PLCE1: variants seen among roughly 807,000 people sequenced by gnomAD.
PLCE1 encodes the protein 1-phosphatidylinositol 4,5-bisphosphate phosphodiesterase epsilon-1.
In PLCE1, 119 loss-of-function variants were observed where a neutral mutation model predicts 242.8. That is an observed-to-expected ratio of 0.49 (90% CI 0.42 to 0.57). The LOEUF (loss-of-function observed/expected upper bound fraction) is 0.57. PLCE1 is among the 20% of genes least tolerant of loss of function. PLCE1 has a pLI of 0.00. For missense variants in PLCE1, 2,441 were observed against 2,788.8 expected (o/e 0.88, Z 2.81); for synonymous variants, 945 against 1,017.4 (o/e 0.93, Z 1.35).
At position 94,306,803 on chromosome 10, in the gene PLCE1, T is replaced by A; in HGVS notation, c.5884+115T>A. 1.2e-6 allele frequency: 1 copy of A among 868,038 alleles called. No individual in the cohort carries two copies. The highest frequency in any genetic ancestry group is 1.8e-6 in the Non-Finnish European group (1 of 544,652). 53.8% of individuals were successfully genotyped at this position (868,038 alleles called of 1,614,324 possible). ...ACATTTTCCTATAAAGAAGTTGAAT[T>A]AAGAAGCAAAAGGAAATACAAATTG... On this transcript the variant is annotated intron_variant, in intron 26 of 32. Coordinates refer to ENST00000371380, the MANE Select transcript of PLCE1 (RefSeq NM_016341.4). This position sits in a 1 kb window ranked among gnomAD's most constrained non-coding sequence, Gnocchi z 5.7.
At chr10:94,324,669 G>C in intron 31 of PLCE1, 102 bp downstream of exon 31, 1 of 1,086,144 alleles carries the variant, frequency 9.2e-7, no homozygotes, top group Non-Finnish European at 1.4e-6. Context: ...GAAAGTTCCT[G>C]AGTCAAGGAA....
chr10:94,324,000 C>G (rs2053919538), intron 30 of PLCE1, among the ~76,000 whole-genome samples: 1 of 152,188 alleles, frequency 6.6e-6, no homozygotes, highest in Admixed American at 6.5e-5. Flanking sequence ...ACTTTCATGT[C>G]TGTGAGCGCT....
intron 4 of PLCE1, among the ~76,000 whole-genome samples, chr10:94,174,351 G>A (rs983909810): frequency 1.3e-5 from 2 of 152,130 alleles, no homozygotes; most frequent in Non-Finnish European, 2.9e-5. Flanking sequence ...GAAAGAATGA[G>A]AAAAATAGAA....
At position 94,132,379 on chromosome 10, in the gene PLCE1, T is replaced by A. The variant is rs748431259; in HGVS notation, c.1412T>A (p.Leu471Gln). Residue 471 changes from leucine (L) to glutamine (Q), a missense_variant, in exon 3 of 33, where the codon CTA becomes CAA. Leu to Gln is a moderately radical substitution (Grantham distance 113). Around this residue, in one of 5 missense-constraint regions of PLCE1, gnomAD observed 733 missense variants for 754.2 expected, o/e 0.97. Coordinates refer to ENST00000371380, the MANE Select transcript of PLCE1 (RefSeq NM_016341.4). ...TCGCAGTACATCACCGGTTCTCTCCTAGAAGCAACCACGTCTTTGGGAGCA... is the reference window on the plus strand; with the variant it reads ...TCGCAGTACATCACCGGTTCTCTCCAAGAAGCAACCACGTCTTTGGGAGCA... ...SISQYITGSL[L>Q]EATTSLGARS... 5.0e-6 allele frequency: 8 copies of A among 1,614,144 alleles called. No individual in the cohort carries two copies. In the South Asian group the frequency reaches 8.8e-5, roughly 18 times the overall value.
intron 2 of PLCE1, chr10:94,109,183 C>T (rs2135595095): frequency 6.6e-6 from 1 of 152,320 alleles, no homozygotes; most frequent in South Asian, 2.1e-4. Context: ...AAGAGTTTAA[C>T]TTCTGCTTTG....
chr10:94,265,915 G>C lies in PLCE1; in HGVS notation c.4238G>C (p.Gly1413Ala), dbSNP rs1013956708. Reference protein sequence around the residue: ...IESSHNTYLTGHQLKGESSVE... With the variant: ...IESSHNTYLTAHQLKGESSVE... ...TCTTCGCACAATACCTACCTCACGG[G>C]CCATCAGCTCAAAGGAGAATCCTCG... The change falls in exon 16 of 33, where the codon GGC becomes GCC. Residue 1413 changes from glycine (G) to alanine (A), a missense_variant. By Grantham distance (60) the Gly-to-Ala change is moderately conservative. Around this residue, in one of 5 missense-constraint regions of PLCE1, gnomAD observed 1,004 missense variants for 1,322.7 expected, o/e 0.76. Coordinates refer to ENST00000371380, the MANE Select transcript of PLCE1 (RefSeq NM_016341.4). 1.2e-6 allele frequency: 2 copies of C among 1,613,832 alleles called. No individual in the cohort carries two copies. The highest frequency in any genetic ancestry group is 1.7e-6 in the Non-Finnish European group (2 of 1,179,932).
intron 3 of PLCE1, among the ~76,000 whole-genome samples, chr10:94,162,291 T>G (rs1376679065): frequency 6.6e-6 from 1 of 152,172 alleles, no homozygotes; most frequent in African/African-American, 2.4e-5. Flanking sequence ...GGTCCTGGAC[T>G]TTTTTTGGTT....
chr10:94,319,864 C>CTTTTTTTTTTTTTTTTTTTTTT lies in PLCE1; in HGVS notation c.6343-2035_6343-2014dup, dbSNP rs58610099. On this transcript the variant is annotated intron_variant, in intron 29 of 32. Transcript: ENST00000371380. ...GCTCTGAGGGAGGCTCAAAGGTGCT[C>CTTTTTTTTTTTTTTTTTTTTTT]TTTTTTTTTTTTTTTTTTTTTTTGA... Among the ~76,000 whole-genome samples, 9 of 92,932 alleles carry CTTTTTTTTTTTTTTTTTTTTTT rather than the reference C, an allele frequency of 9.7e-5. 1 individual carries two copies. The highest frequency in any genetic ancestry group is 1.5e-4 in the African/African-American group (4 of 26,760). 61.0% of individuals were successfully genotyped at this position (92,932 alleles called of 152,430 possible).
intron 3 of PLCE1, among the ~76,000 whole-genome samples, chr10:94,144,584 G>A (rs528652371): frequency 6.6e-6 from 1 of 152,248 alleles, no homozygotes; most frequent in South Asian, 2.1e-4. Flanking sequence ...GTTAGCTGAT[G>A]GGCCAAGTAA....
chr10:94,085,600 G>A (rs1280586557), intron 2 of PLCE1, among the ~76,000 whole-genome samples: 1 of 152,200 alleles, frequency 6.6e-6, no homozygotes, highest in Non-Finnish European at 1.5e-5. Context: ...TACACCTGAT[G>A]AGTTTGTAGA....
At chr10:94,284,417 T>G (rs1392788146) in intron 21 of PLCE1, among the ~76,000 whole-genome samples, 1 of 152,138 alleles carries the variant, frequency 6.6e-6, no homozygotes, top group Non-Finnish European at 1.5e-5. Context: ...GGAATGACAC[T>G]GAGAATAGGA....
At chr10:94,320,232 A>G (rs2053745922) in intron 29 of PLCE1, among the ~76,000 whole-genome samples, 1 of 152,142 alleles carries the variant, frequency 6.6e-6, no homozygotes, top group South Asian at 2.1e-4. Flanking sequence ...ATTTTATGTA[A>G]AAAGAGACAA....
intron 1 of PLCE1, among the ~76,000 whole-genome samples, chr10:93,997,632 CTTTTTTTTTTTTT>C (rs34338995): frequency 1.0e-4 from 8 of 79,872 alleles, no homozygotes; most frequent in Admixed American, 3.1e-4. Flanking sequence ...AATAACCATC[CTTTTTTTTTTTTT>C]TTTTTTTTTT....
intron 4 of PLCE1, among the ~76,000 whole-genome samples, chr10:94,213,559 C>T (rs1400612977): frequency 6.6e-6 from 1 of 152,182 alleles, no homozygotes; most frequent in Non-Finnish European, 1.5e-5. Context: ...CTGCTTCCCA[C>T]CCTTCACTGC....
chr10:94,297,627 A>AAAAG (rs2052885081), intron 23 of PLCE1, among the ~76,000 whole-genome samples: 2 of 109,566 alleles, frequency 1.8e-5, no homozygotes, highest in Non-Finnish European at 3.9e-5. Context: ...AAAAAAAAAA[A>AAAAG]GTGCAGTATC....
intron 2 of PLCE1, among the ~76,000 whole-genome samples, chr10:94,063,988 A>G (rs2044131581): frequency 6.6e-6 from 1 of 152,126 alleles, no homozygotes; most frequent in Non-Finnish European, 1.5e-5. Flanking sequence ...CCAGACACGC[A>G]GGAGCAGGAG....
At chr10:94,142,079 A>G (rs999730385) in intron 3 of PLCE1, among the ~76,000 whole-genome samples, 1 of 152,152 alleles carries the variant, frequency 6.6e-6, no homozygotes, top group Non-Finnish European at 1.5e-5. Flanking sequence ...TGTGAGCCTC[A>G]TTGTGTTTTG....
chr10:94,171,154 C>A, intron 3 of PLCE1, 26 bp from the exon 4 acceptor site: 2 of 1,603,804 alleles, frequency 1.2e-6, no homozygotes, highest in Non-Finnish European at 1.7e-6. Flanking sequence ...TTTGATGTAA[C>A]CACGACTTCT....
intron 19 of PLCE1, among the ~76,000 whole-genome samples, chr10:94,275,859 C>T (rs929487470): frequency 6.6e-6 from 1 of 151,970 alleles, no homozygotes; most frequent in Non-Finnish European, 1.5e-5. Flanking sequence ...TTCTTTAGCA[C>T]ACACTGAGCT....
Sources: gnomAD v4.1 joint callset for allele counts (sites outside exome capture counted in the v4.1 genomes callset) on GRCh38, gnomAD v4.1.1 for gene constraint, gnomAD v4.1.1 regional missense constraint, Gnocchi (gnomAD v3.1) non-coding constraint, MANE v1.5 for transcripts, NCBI Gene and HGNC (gene_info 2026-07-23, HGNC 2026-07-21) for gene names.